CTIF: variants seen among roughly 807,000 people sequenced by gnomAD.
The protein encoded by CTIF is CBP80/20-dependent translation initiation factor.
In CTIF, 21 loss-of-function variants were observed where a neutral mutation model predicts 66.0. The ratio of observed to expected loss-of-function variants is 0.32; its 90% CI spans 0.23 to 0.46. The LOEUF (loss-of-function observed/expected upper bound fraction) is 0.46, where lower values mean the gene tolerates loss of function less well. Among genes scored for constraint, CTIF ranks in the 20% least tolerant of loss-of-function variants. The pLI, the probability that CTIF is intolerant of heterozygous loss-of-function variation, is 1.00. For synonymous variants in CTIF, 345 were observed against 326.4 expected (o/e 1.06, Z -0.62); for missense variants, 739 against 812.7 (o/e 0.91, Z 1.10).
chr18:48,769,493 C>A lies in CTIF; in HGVS notation c.1371+7804C>A, dbSNP rs78153107. 5.3e-5 allele frequency among the ~76,000 whole-genome samples: 8 copies of A among 152,368 alleles called. No homozygotes were observed. In the East Asian group the frequency reaches 1.5e-3, roughly 29 times the overall value. ...ATCTGTCCCCATGCTGAAGCCCGTG[C>A]CCTGCAAGGGACATGCAGAGTTGGC... is the stretch of plus-strand genomic sequence containing the variant. On this transcript the variant is annotated intron_variant, in intron 9 of 11. Coordinates refer to ENST00000256413, the MANE Select transcript of CTIF (RefSeq NM_014772.3).
chr18:48,847,385 C>T (rs1047776535), intron 10 of CTIF, among the ~76,000 whole-genome samples: 6 of 152,028 alleles, frequency 3.9e-5, no homozygotes, highest in Non-Finnish European at 5.9e-5. Flanking sequence ...AATATCATTC[C>T]GTAAAGGAGA....
rs1417782101 is a variant in CTIF at position 48,585,827 on chromosome 18, C to A, written c.-28-33711C>A. 2.6e-5 allele frequency among the ~76,000 whole-genome samples: 4 copies of A among 152,320 alleles called. No individual in the cohort carries two copies. In the East Asian group the frequency reaches 7.7e-4, roughly 29 times the overall value. ...CAGAGCGTTTCAGCCGTCGACCCAG[C>A]CACTGAGCACGCCTGCTACTCACAG... On this transcript the variant is annotated intron_variant, in intron 1 of 11. Coordinates refer to ENST00000256413, the MANE Select transcript of CTIF (RefSeq NM_014772.3).
At chr18:48,812,192 G>C (rs1397334002) in intron 9 of CTIF, among the ~76,000 whole-genome samples, 1 of 152,146 alleles carries the variant, frequency 6.6e-6, no homozygotes, top group Non-Finnish European at 1.5e-5. Flanking sequence ...TCGAACTCCT[G>C]ACCTCAAGCG....
At chr18:48,671,089 C>A (rs962848632) in intron 6 of CTIF, among the ~76,000 whole-genome samples, 3 of 152,192 alleles carry the variant, frequency 2.0e-5, no homozygotes, top group Non-Finnish European at 2.9e-5. Context: ...GTGGTGTGTT[C>A]AGGTGGGACT....
intron 1 of CTIF, among the ~76,000 whole-genome samples, chr18:48,610,694 G>C (rs964762451): frequency 6.6e-6 from 1 of 152,196 alleles, no homozygotes; most frequent in East Asian, 1.9e-4. Context: ...CTTGCCTTCC[G>C]GCCAGCCATG....
At chr18:48,617,641 A>G (rs1468293426) in intron 1 of CTIF, among the ~76,000 whole-genome samples, 2 of 152,302 alleles carry the variant, frequency 1.3e-5, no homozygotes, top group East Asian at 3.9e-4. Flanking sequence ...TGGCAGGTGC[A>G]GGAAGAGGCA....
intron 1 of CTIF, among the ~76,000 whole-genome samples, chr18:48,561,847 G>A (rs942308897): frequency 2.0e-5 from 3 of 152,196 alleles, no homozygotes; most frequent in African/African-American, 7.2e-5. Flanking sequence ...CGGTAAAATA[G>A]GGAATTTGGT....
intron 3 of CTIF, among the ~76,000 whole-genome samples, chr18:48,658,095 CG>C (rs1386972025): frequency 6.6e-6 from 1 of 151,972 alleles, no homozygotes; most frequent in Non-Finnish European, 1.5e-5. Flanking sequence ...TTTGGACATT[CG>C]AGGGTTTGTA....
chr18:48,706,781 G>C (rs2092160903), intron 6 of CTIF, among the ~76,000 whole-genome samples: 1 of 152,202 alleles, frequency 6.6e-6, no homozygotes, highest in African/African-American at 2.4e-5. Flanking sequence ...GAGTGTATGT[G>C]CACGTGTGTG....
chr18:48,761,412 C>T lies in CTIF; in HGVS notation c.1094C>T (p.Thr365Ile). The T allele has an allele frequency of 6.2e-7, 1 of 1,613,658 alleles. No homozygotes were observed. Among genetic ancestry groups the T allele is most frequent in the Non-Finnish European group, 8.5e-7 (1 of 1,179,810 alleles). Reference protein sequence around the residue: ...KEKDEVAVETTTPQQNKMDKL... With the variant: ...KEKDEVAVETITPQQNKMDKL... ...CAGGATGAAGTGGCCGTGGAGACGA[C>T]CACTCCCCAGCAGAACAAGATGGAC... The change falls in exon 9 of 12, where the codon ACC becomes ATC. Residue 365 changes from threonine to isoleucine, a missense_variant. This residue lies in a region of CTIF where 529 missense variants were observed against 520.3 expected (regional missense o/e 1.02). Transcript: ENST00000256413. This position sits in a 1 kb window ranked among gnomAD's most constrained non-coding sequence, Gnocchi z 4.2.
intron 6 of CTIF, among the ~76,000 whole-genome samples, chr18:48,686,486 T>C (rs1394964766): frequency 6.6e-6 from 1 of 152,182 alleles, no homozygotes; most frequent in Non-Finnish European, 1.5e-5. Flanking sequence ...GAATGGTTCT[T>C]AGAAGCCAAG....
At chr18:48,757,713 C>T (rs117501852) in intron 7 of CTIF, among the ~76,000 whole-genome samples, 1,827 of 152,308 alleles carry the variant, frequency 0.012, 20 homozygotes, top group Non-Finnish European at 0.019. Context: ...TGGTCCTCTG[C>T]AGTAGCAAGG....
intron 7 of CTIF, among the ~76,000 whole-genome samples, chr18:48,714,191 A>T (rs1033306004): frequency 3.3e-5 from 5 of 152,220 alleles, no homozygotes; most frequent in African/African-American, 1.2e-4. Flanking sequence ...CTAAGTGTCA[A>T]ACCTGCATAT....
rs185144754 is a variant in CTIF, at chr18:48,728,766, G to C, written c.584+17071G>C. 2.1e-3 allele frequency among the ~76,000 whole-genome samples: 317 copies of C among 151,872 alleles called. 1 individual carries two copies. Among genetic ancestry groups the C allele is most frequent in the African/African-American group, 7.6e-3 (313 of 41,290 alleles). On this transcript the variant is annotated intron_variant, in intron 7 of 11. Transcript: ENST00000256413. The stretch of plus-strand genomic sequence containing the variant: ...AGAGAGAGAGAGAGAGAGAGAGAAG[G>C]AAAGAGAGAGATAAGCTGTTGGATC...
chr18:48,730,483 T>C (rs1235927509), intron 7 of CTIF, among the ~76,000 whole-genome samples: 2 of 118,786 alleles, frequency 1.7e-5, no homozygotes, highest in East Asian at 2.7e-4. Context: ...GCTTCCGCGG[T>C]GTGAGGGGCT....
At chr18:48,702,774 A>T (rs963351567) in intron 6 of CTIF, among the ~76,000 whole-genome samples, 4 of 152,186 alleles carry the variant, frequency 2.6e-5, no homozygotes, top group Non-Finnish European at 5.9e-5. Context: ...TCCTTTCTGA[A>T]TCAGGTCAAC....
chr18:48,588,187 C>T (rs1477529834), intron 1 of CTIF, among the ~76,000 whole-genome samples: 1 of 152,206 alleles, frequency 6.6e-6, no homozygotes. Context: ...TGCTCGCATC[C>T]TCATGGCCTC....
chr18:48,687,305 G>GACACACACACACACACACAC (rs3082465), intron 6 of CTIF, among the ~76,000 whole-genome samples: 12 of 128,638 alleles, frequency 9.3e-5, no homozygotes, highest in Admixed American at 4.8e-4. Flanking sequence ...TCTAGGAGGG[G>GACACACACACACACACACAC]ACACACACAC....
At chr18:48,664,587 G>C (rs376364588) in intron 5 of CTIF, 36 bp downstream of exon 5, 10 of 1,584,224 alleles carry the variant, frequency 6.3e-6, no homozygotes, top group Admixed American at 3.3e-5. Context: ...AGGGTGGGGT[G>C]GGGCAGGGGA....
Sources: gnomAD v4.1 joint callset for allele counts (sites outside exome capture counted in the v4.1 genomes callset) on GRCh38, gnomAD v4.1.1 for gene constraint, gnomAD v4.1.1 regional missense constraint, Gnocchi (gnomAD v3.1) non-coding constraint, MANE v1.5 for transcripts, NCBI Gene and HGNC (gene_info 2026-07-23, HGNC 2026-07-21) for gene names.